The following MAP3K5 variants were observed in gnomAD, a reference collection of about 807,000 sequenced individuals.
The protein encoded by MAP3K5 is ASK-1.
MAP3K5 carries 56 observed loss-of-function variants against 158.7 expected under a neutral mutation model. The observed-to-expected ratio is 0.35, with a 90% confidence interval of 0.28 to 0.44. MAP3K5 has a LOEUF of 0.44. Among genes scored for constraint, MAP3K5 ranks in the 20% least tolerant of loss-of-function variants. MAP3K5 has a pLI of 1.00. For synonymous variants in MAP3K5, 579 were observed against 601.7 expected (o/e 0.96, Z 0.55); for missense variants, 1,294 against 1,674.8 (o/e 0.77, Z 3.97).
At chr6:136,596,789 AC>A (rs1237804224) in intron 21 of MAP3K5, among the ~76,000 whole-genome samples, 1 of 152,220 alleles carries the variant, frequency 6.6e-6, no homozygotes, top group Non-Finnish European at 1.5e-5. Flanking sequence ...TGAGATTTCT[AC>A]CTTCTTAAGT....
intron 1 of MAP3K5, among the ~76,000 whole-genome samples, chr6:136,752,583 T>C (rs988448821): frequency 2.6e-5 from 4 of 152,160 alleles, no homozygotes; most frequent in African/African-American, 9.7e-5. Context: ...AGCTCATTTT[T>C]GTATTTTTAG....
chr6:136,783,819 C>T (rs1452021724), intron 1 of MAP3K5, among the ~76,000 whole-genome samples: 3 of 152,154 alleles, frequency 2.0e-5, no homozygotes, highest in African/African-American at 7.2e-5. Context: ...TTTGAAGGGA[C>T]CACTTGGAGG....
At chr6:136,665,772 G>A (rs1779203762) in intron 8 of MAP3K5, among the ~76,000 whole-genome samples, 1 of 152,172 alleles carries the variant, frequency 6.6e-6, no homozygotes, top group African/African-American at 2.4e-5. Flanking sequence ...AGGTGACAAA[G>A]GAGTTTTTCA....
intron 21 of MAP3K5, 78 bp from the exon 22 acceptor site, chr6:136,592,692 GC>G: frequency 8.4e-7 from 1 of 1,195,814 alleles, no homozygotes; most frequent in Non-Finnish European, 1.2e-6. Flanking sequence ...ATTGAAAGAG[GC>G]CATATTCTTT....
chr6:136,622,732 TCA>T, intron 15 of MAP3K5, 114 bp downstream of exon 15: 7 of 1,146,394 alleles, frequency 6.1e-6, no homozygotes, highest in East Asian at 2.4e-5. Flanking sequence ...AGGAGCTAAT[TCA>T]CAGAGTGAAG....
In MAP3K5 at chr6:136,656,404, G is replaced by A. The variant is rs147722575; in HGVS notation, c.1583C>T (p.Thr528Ile). Residue 528 changes from threonine to isoleucine, a missense_variant, in exon 10 of 30, where the codon ACC becomes ATC. Physicochemically the swap from Thr to Ile is moderately conservative, Grantham distance 89. Coordinates refer to ENST00000359015, the MANE Select transcript of MAP3K5 (RefSeq NM_005923.4). ...ILIYKHFVKL[T>I]TEQPVAKQEL... ...TTGCTTGGCCACAGGCTGTTCTGTG[G>A]TCAGTTTCACAAAATGCTTATATAT... is the stretch of plus-strand genomic sequence containing the variant. 1.2e-6 allele frequency: 2 copies of A among 1,609,998 alleles called. No individual in the cohort carries two copies. Among genetic ancestry groups the A allele is most frequent in the African/African-American group, 2.7e-5 (2 of 74,584 alleles).
In MAP3K5 at chr6:136,651,287, T is replaced by A. The variant is rs150989372; in HGVS notation, c.1681-196A>T. The stretch of plus-strand genomic sequence containing the variant: ...AGCATTTTACATTATTTATCAATTA[T>A]CATAAGGTTCAATAATGCATCACCT... On this transcript the variant is annotated intron_variant, in intron 10 of 29. Coordinates refer to ENST00000359015, the MANE Select transcript of MAP3K5 (RefSeq NM_005923.4). Among the ~76,000 whole-genome samples the A allele has an allele frequency of 2.3e-3, 344 of 152,286 alleles. 2 individuals carry two copies. The highest frequency in any genetic ancestry group is 7.6e-3 in the African/African-American group (316 of 41,562).
chr6:136,596,257 T>C (rs1775625676), intron 21 of MAP3K5, among the ~76,000 whole-genome samples: 1 of 151,974 alleles, frequency 6.6e-6, no homozygotes, highest in African/African-American at 2.4e-5. Context: ...TGGGGTGTCA[T>C]GGAAGCCCAC....
At chr6:136,670,698 A>G (rs887759046) in intron 7 of MAP3K5, among the ~76,000 whole-genome samples, 10 of 152,270 alleles carry the variant, frequency 6.6e-5, no homozygotes, top group African/African-American at 2.2e-4. Context: ...TGAAAACAAA[A>G]AATATATTTT....
At chr6:136,686,739 G>A (rs1202357972) in intron 7 of MAP3K5, among the ~76,000 whole-genome samples, 1 of 152,106 alleles carries the variant, frequency 6.6e-6, no homozygotes, top group Non-Finnish European at 1.5e-5. Flanking sequence ...CCTCTTCAAG[G>A]AGAACTACAA....
chr6:136,699,762 G>A (rs184493460), intron 3 of MAP3K5, among the ~76,000 whole-genome samples: 1 of 152,278 alleles, frequency 6.6e-6, no homozygotes, highest in African/African-American at 2.4e-5. Context: ...TGTACATTCT[G>A]GACAATGCAG....
intron 23 of MAP3K5, among the ~76,000 whole-genome samples, chr6:136,588,752 C>G (rs1775249275): frequency 6.6e-6 from 1 of 152,282 alleles, no homozygotes; most frequent in South Asian, 2.1e-4. Flanking sequence ...TCACCGTGAG[C>G]CAAAGGAAAG....
At chr6:136,676,219 G>A (rs755960593) in intron 7 of MAP3K5, among the ~76,000 whole-genome samples, 8 of 152,160 alleles carry the variant, frequency 5.3e-5, no homozygotes, top group Non-Finnish European at 8.8e-5. Flanking sequence ...CAGAATACCT[G>A]ACACGCTGCA....
chr6:136,596,881 T>C (rs1775655536), intron 21 of MAP3K5, among the ~76,000 whole-genome samples: 1 of 152,180 alleles, frequency 6.6e-6, no homozygotes, highest in South Asian at 2.1e-4. Flanking sequence ...GTGTAACTAT[T>C]TCCAGGGGAG....
chr6:136,650,497 T>C (rs974892283), intron 11 of MAP3K5, among the ~76,000 whole-genome samples: 1 of 152,242 alleles, frequency 6.6e-6, no homozygotes, highest in Non-Finnish European at 1.5e-5. Context: ...CCACCTCACT[T>C]TGTGCACAGC....
intron 1 of MAP3K5, among the ~76,000 whole-genome samples, chr6:136,745,584 G>A (rs763208809): frequency 1.3e-5 from 2 of 152,036 alleles, no homozygotes; most frequent in Non-Finnish European, 2.9e-5. Flanking sequence ...CTACCATCCT[G>A]CCCATGAACA....
At chr6:136,570,912 G>A (rs1461309160) in intron 25 of MAP3K5, among the ~76,000 whole-genome samples, 1 of 152,128 alleles carries the variant, frequency 6.6e-6, no homozygotes, top group Non-Finnish European at 1.5e-5. Context: ...AAATTCCTAG[G>A]CAGACAGGGA....
intron 7 of MAP3K5, among the ~76,000 whole-genome samples, chr6:136,676,075 T>G (rs1779691029): frequency 6.6e-6 from 1 of 152,210 alleles, no homozygotes; most frequent in African/African-American, 2.4e-5. Context: ...AATTGCTCCA[T>G]ATCTGTTAAC....
intron 11 of MAP3K5, among the ~76,000 whole-genome samples, chr6:136,642,889 A>G (rs1778053554): frequency 6.6e-6 from 1 of 152,246 alleles, no homozygotes; most frequent in Non-Finnish European, 1.5e-5. Context: ...GTCAATGATC[A>G]AGGTAATTCT....
Sources: gnomAD v4.1 joint callset for allele counts (sites outside exome capture counted in the v4.1 genomes callset) on GRCh38, gnomAD v4.1.1 for gene constraint, MANE v1.5 for transcripts, NCBI Gene and HGNC (gene_info 2026-07-23, HGNC 2026-07-21) for gene names.